Variants in FAM20C observed in about 807,000 individuals in gnomAD.
The protein encoded by FAM20C is FAM20C golgi associated secretory pathway kinase.
FAM20C carries 40 observed loss-of-function variants against 51.5 expected under a neutral mutation model. The observed-to-expected ratio is 0.78, with a 90% CI of 0.60 to 1.01. The LOEUF (loss-of-function observed/expected upper bound fraction) is 1.01, where lower values mean the gene tolerates loss of function less well. Ranked by LOEUF, FAM20C falls within the 50% of genes least tolerant of loss-of-function variation. The pLI, the probability that FAM20C is intolerant of heterozygous loss-of-function variation, is 0.00. For synonymous variants in FAM20C, 406 were observed against 380.6 expected (o/e 1.07, Z -0.78); for missense variants, 861 against 844.7 (o/e 1.02, Z -0.24).
chr7:248,608 T>A (rs374306453), intron 5 of FAM20C, among the ~76,000 whole-genome samples, 178 bp downstream of exon 5: 2 of 45,622 alleles, frequency 4.4e-5, no homozygotes, highest in African/African-American at 7.4e-5. Context: ...ATTCATCTCT[T>A]CAGGTAGCCT....
chr7:256,016 C>A lies in FAM20C; in HGVS notation c.1240C>A (p.Arg414Ser). The change falls in exon 6 of 10, where the codon CGC becomes AGC. Residue 414 changes from arginine to serine, a missense_variant. Arg to Ser is a moderately radical substitution (Grantham distance 110, BLOSUM62 -1). Transcript: ENST00000313766. ...CCCTTGGCGGCGTTCCTACCACAAG[C>A]GCAAGAAGGCCGAGTGAGTGCGGGG... ...RNPWRRSYHK[R>S]KKAEWEVDPD... 1 of 1,535,806 alleles carries A rather than the reference C, an allele frequency of 6.5e-7. No individual in the cohort carries two copies. The highest frequency in any genetic ancestry group is 8.7e-7 in the Non-Finnish European group (1 of 1,146,702).
intron 5 of FAM20C, among the ~76,000 whole-genome samples, chr7:251,982 T>C (rs1361168352): frequency 1.3e-5 from 2 of 152,224 alleles, no homozygotes; most frequent in Non-Finnish European, 2.9e-5. Flanking sequence ...CGCGCTGCCC[T>C]GTCAGTCCGA....
At chr7:209,714 A>G (rs79532643) in intron 3 of FAM20C, among the ~76,000 whole-genome samples, 18,099 of 152,164 alleles carry the variant, frequency 0.12, 1,407 homozygotes, top group East Asian at 0.3. Context: ...AGCTCACTAG[A>G]TCTTGGCCAT....
rs112881039 is a variant in FAM20C at position 228,201 on chromosome 7, C to T, written c.864-18214C>T. ...CGCCTGGCATGGTTGTGATGAGGCCCGTGGCCAATCAGAGAAATTCTGAGA... is the reference window on the plus strand; with the variant it reads ...CGCCTGGCATGGTTGTGATGAGGCCTGTGGCCAATCAGAGAAATTCTGAGA... On this transcript the variant is annotated intron_variant, in intron 3 of 9. Transcript: ENST00000313766. The T allele has an allele frequency of 4.2e-4, 139 of 330,928 alleles. 1 individual carries two copies. Among genetic ancestry groups the T allele is most frequent in the African/African-American group, 2.7e-3 (126 of 46,542 alleles). 20.5% of individuals were successfully genotyped at this position (330,928 alleles called of 1,614,324 possible). A position where few individuals can be genotyped will look rare whatever the true frequency, so the allele number is the denominator to read the frequency against.
intron 6 of FAM20C, chr7:256,444 C>T: frequency 1.7e-6 from 1 of 593,150 alleles, no homozygotes; most frequent in Non-Finnish European, 3.0e-6. Context: ...AAGGCAGCTC[C>T]AGGTGGGGTC....
At chr7:223,782 T>C (rs1468074542) in intron 3 of FAM20C, among the ~76,000 whole-genome samples, 1 of 152,226 alleles carries the variant, frequency 6.6e-6, no homozygotes, top group Non-Finnish European at 1.5e-5. Flanking sequence ...TCCTGGCTTA[T>C]TTTTATAGTC....
intron 3 of FAM20C, among the ~76,000 whole-genome samples, chr7:242,392 C>T (rs950669732): frequency 3.9e-5 from 6 of 152,036 alleles, no homozygotes; most frequent in East Asian, 1.9e-4. Context: ...CAGGACGGAA[C>T]GATTCCAGAG....
intron 8 of FAM20C, among the ~76,000 whole-genome samples, chr7:258,258 C>T (rs1251144584): frequency 1.3e-4 from 17 of 128,850 alleles, no homozygotes; most frequent in African/African-American, 5.3e-4. Context: ...GCCTGAGGTG[C>T]TGGAGATAGG....
chr7:241,107 T>C (rs1339349897), intron 3 of FAM20C, among the ~76,000 whole-genome samples: 1 of 152,104 alleles, frequency 6.6e-6, no homozygotes, highest in Non-Finnish European at 1.5e-5. Context: ...AGGGGTGGTT[T>C]GTTGGAAGCT....
chr7:248,272 A>G, intron 4 of FAM20C, 43 bp from the exon 5 acceptor site: 1 of 1,427,798 alleles, frequency 7.0e-7, no homozygotes, highest in Non-Finnish European at 9.5e-7. Context: ...AGGCCCGCTG[A>G]GCCGCACAGA....
At chr7:206,818 C>G (rs1296596686) in intron 2 of FAM20C, among the ~76,000 whole-genome samples, 1 of 92,752 alleles carries the variant, frequency 1.1e-5, no homozygotes, top group Non-Finnish European at 2.1e-5. Context: ...GCGTCGGTCA[C>G]TGTCCCCTCG....
chr7:256,920 G>A, intron 7 of FAM20C, 85 bp from the exon 8 acceptor site: 1 of 1,463,902 alleles, frequency 6.8e-7, no homozygotes, highest in Non-Finnish European at 9.2e-7. Context: ...GGCAGGAGGA[G>A]ACGCCGCTCT....
intron 3 of FAM20C, among the ~76,000 whole-genome samples, chr7:222,611 G>A (rs1192673502): frequency 6.6e-6 from 1 of 152,092 alleles, no homozygotes; most frequent in Non-Finnish European, 1.5e-5. Context: ...AGGCCCTGAG[G>A]TGCCAACCAA....
intron 3 of FAM20C, among the ~76,000 whole-genome samples, chr7:222,842 T>G (rs745864845): frequency 6.6e-6 from 1 of 151,688 alleles, no homozygotes; most frequent in East Asian, 2.0e-4. Context: ...TGTGTGTGCA[T>G]GCATGTCCTG....
Position 255,935 on chromosome 7 carries a change from T to C in FAM20C, c.1159T>C (p.Ser387Pro). The C allele has an allele frequency of 6.5e-7, 1 of 1,536,254 alleles. No individual in the cohort carries two copies. Among genetic ancestry groups the C allele is most frequent in the Non-Finnish European group, 8.7e-7 (1 of 1,146,832 alleles). The change falls in exon 6 of 10, where the codon TCG becomes CCG. Residue 387 changes from serine (S) to proline (P), a missense_variant. By Grantham distance (74) the Ser-to-Pro change is moderately conservative (BLOSUM62 -1). Coordinates refer to ENST00000313766, the MANE Select transcript of FAM20C (RefSeq NM_020223.4). ...CGGGAAGCCAGACCAGATCGAGGGC[T>C]CGCTGGCGGCCTTCCTGCCCGACCT... ...LCGKPDQIEG[S>P]LAAFLPDLSL... is the part of the protein sequence containing the mutation.
intron 8 of FAM20C, among the ~76,000 whole-genome samples, chr7:258,410 G>GCCC (rs1788726584): frequency 3.2e-5 from 2 of 62,370 alleles, no homozygotes; most frequent in Non-Finnish European, 6.4e-5. Context: ...TGCTGGAGAT[G>GCCC]GGTGGGGTGG....
At chr7:201,309 G>A (rs1413372351) in intron 2 of FAM20C, among the ~76,000 whole-genome samples, 7 of 152,340 alleles carry the variant, frequency 4.6e-5, no homozygotes, top group Admixed American at 2.6e-4. Context: ...GGGGGCCCAC[G>A]CTGACGGCAG....
In FAM20C at chr7:193,310, C is replaced by T. The variant is rs1785662591; in HGVS notation, c.111C>T (p.Gly37=). The change falls in exon 1 of 10, where the codon GGC becomes GGT. Residue 37 remains glycine, a synonymous_variant. Coordinates refer to ENST00000313766, the MANE Select transcript of FAM20C (RefSeq NM_020223.4). ...LDLLPRLERR[G]ARPSGEPGCS... ...TGCTGCCCAGGCTGGAGCGACGCGG[C>T]GCGCGGCCCTCGGGGGAGCCCGGCT... 1 of 1,406,540 alleles carries T rather than the reference C, an allele frequency of 7.1e-7. No individual in the cohort carries two copies. Among genetic ancestry groups the T allele is most frequent in the Non-Finnish European group, 9.3e-7 (1 of 1,072,808 alleles). 87.1% of individuals were successfully genotyped at this position (1,406,540 alleles called of 1,614,324 possible).
At chr7:253,999 G>A (rs145116000) in intron 5 of FAM20C, among the ~76,000 whole-genome samples, 5,392 of 152,308 alleles carry the variant, frequency 0.035, 118 homozygotes, top group Middle Eastern at 0.082. Flanking sequence ...AGACAGGATT[G>A]CAGCTGGTCT....
Sources: allele counts gnomAD v4.1 joint callset (sites outside exome capture counted in the v4.1 genomes callset), GRCh38; gene constraint gnomAD v4.1.1; transcripts MANE v1.5; gene names NCBI Gene and HGNC (gene_info 2026-07-23, HGNC 2026-07-21).